FARP1: variants seen among roughly 807,000 people sequenced by gnomAD.
FARP1 encodes the protein FERM, ARHGEF and pleckstrin domain-containing protein 1.
Under a neutral mutation model 128.8 loss-of-function variants are expected in FARP1, and 52 were observed. The ratio of observed to expected loss-of-function variants is 0.40; its 90% confidence interval spans 0.32 to 0.51. The LOEUF is 0.51. Ranked by LOEUF, FARP1 falls within the 20% of genes least tolerant of loss-of-function variation. FARP1 has a pLI of 0.45. For synonymous variants in FARP1, 580 were observed against 551.8 expected (o/e 1.05, Z -0.72); for missense variants, 1,333 against 1,367.9 (o/e 0.97, Z 0.40).
At chr13:98,266,842 A>G (rs1187531274) in intron 2 of FARP1, among the ~76,000 whole-genome samples, 3 of 151,862 alleles carry the variant, frequency 2.0e-5, no homozygotes, top group Non-Finnish European at 4.4e-5. Context: ...GTGAGACCCC[A>G]TCTCTACTAA....
intron 5 of FARP1, among the ~76,000 whole-genome samples, chr13:98,370,580 G>A (rs1265502603): frequency 7.0e-6 from 1 of 142,874 alleles, no homozygotes; most frequent in Non-Finnish European, 1.5e-5. Context: ...GTGACTGGGG[G>A]GGAGATGGTG....
At chr13:98,149,249 T>A (rs1875796830) in intron 1 of FARP1, among the ~76,000 whole-genome samples, 1 of 152,186 alleles carries the variant, frequency 6.6e-6, no homozygotes, top group African/African-American at 2.4e-5. Flanking sequence ...CTTCTGTTCC[T>A]CTTCCCTGCT....
intron 2 of FARP1, 143 bp from the exon 3 acceptor site, chr13:98,343,619 T>G: frequency 1.6e-6 from 1 of 644,354 alleles, no homozygotes; most frequent in Non-Finnish European, 2.8e-6. Context: ...GGGGCTGGCG[T>G]TCAGGGTGTC....
At chr13:98,266,674 G>A (rs1884131110) in intron 2 of FARP1, among the ~76,000 whole-genome samples, 2 of 152,254 alleles carry the variant, frequency 1.3e-5, no homozygotes, top group African/African-American at 4.8e-5. Context: ...ACAACCCCAA[G>A]ATGTTCTTTA....
intron 16 of FARP1, among the ~76,000 whole-genome samples, chr13:98,415,922 G>A (rs568284753): frequency 1.0e-3 from 153 of 152,368 alleles, no homozygotes; most frequent in African/African-American, 3.5e-3. Flanking sequence ...TCGTTGAACC[G>A]CATTTCCTCC....
At chr13:98,343,261 T>C (rs1189532967) in intron 2 of FARP1, among the ~76,000 whole-genome samples, 1 of 152,150 alleles carries the variant, frequency 6.6e-6, no homozygotes, top group Admixed American at 6.5e-5. Flanking sequence ...GCAGTGAAAC[T>C]ATTCTGTATG....
At chr13:98,317,574 A>C (rs117605205) in intron 2 of FARP1, among the ~76,000 whole-genome samples, 4,950 of 152,318 alleles carry the variant, frequency 0.032, 113 homozygotes, top group South Asian at 0.054. Context: ...ATTGGTTGCT[A>C]TCCACTTGTT....
At chr13:98,415,632 C>A (rs1321816262) in intron 16 of FARP1, among the ~76,000 whole-genome samples, 2 of 152,230 alleles carry the variant, frequency 1.3e-5, no homozygotes, top group African/African-American at 4.8e-5. Context: ...TGAGGACACA[C>A]ATGTACCATC....
rs866332473 is a variant in FARP1, at chr13:98,383,257, A to G, written c.497-1473A>G. ...CAAGGCAACATATAACGATGGCAGT[A>G]TGACCAGGCGTGCCCCCATTTCTGT... On this transcript the variant is annotated intron_variant, in intron 6 of 26. Transcript: ENST00000319562. 7.9e-5 allele frequency among the ~76,000 whole-genome samples: 12 copies of G among 152,262 alleles called. No homozygotes were observed. The South Asian group carries it at 2.3e-3, about 29-fold the overall frequency.
chr13:98,231,429 CTTATT>C (rs925629183), intron 2 of FARP1, among the ~76,000 whole-genome samples: 43 of 151,822 alleles, frequency 2.8e-4, no homozygotes, highest in East Asian at 1.4e-3. Flanking sequence ...TTTTCTATTT[CTTATT>C]TTATTTTATT....
At chr13:98,342,334 A>C (rs539336638) in intron 2 of FARP1, among the ~76,000 whole-genome samples, 20 of 152,242 alleles carry the variant, frequency 1.3e-4, no homozygotes, top group African/African-American at 2.2e-4. Context: ...AACTAGAAGC[A>C]ACCAAAATGT....
At chr13:98,307,367 A>G (rs1370265561) in intron 2 of FARP1, among the ~76,000 whole-genome samples, 1 of 152,144 alleles carries the variant, frequency 6.6e-6, no homozygotes, top group Non-Finnish European at 1.5e-5. Flanking sequence ...ACTAATACCT[A>G]ATGAAAAGTG....
intron 2 of FARP1, among the ~76,000 whole-genome samples, chr13:98,225,893 G>T (rs1229754666): frequency 6.6e-6 from 1 of 152,204 alleles, no homozygotes; most frequent in Admixed American, 6.5e-5. Flanking sequence ...GAAAACAAGG[G>T]CGTTTTTGTA....
intron 2 of FARP1, among the ~76,000 whole-genome samples, chr13:98,262,357 C>T (rs1233247832): frequency 1.3e-5 from 2 of 151,976 alleles, no homozygotes; most frequent in East Asian, 1.9e-4. Flanking sequence ...TTTCTTCTTC[C>T]TCCAGGCTCC....
intron 1 of FARP1, among the ~76,000 whole-genome samples, chr13:98,183,326 A>G (rs1290192630): frequency 6.6e-6 from 1 of 152,068 alleles, no homozygotes; most frequent in Non-Finnish European, 1.5e-5. Context: ...GTCCATTTAA[A>G]ATCTCTTAGA....
intron 3 of FARP1, among the ~76,000 whole-genome samples, chr13:98,350,996 C>T (rs1488644651): frequency 1.5e-5 from 2 of 132,978 alleles, no homozygotes; most frequent in African/African-American, 3.6e-5. Flanking sequence ...TGCCCAGCCT[C>T]GCCTCCCCTG....
chr13:98,230,334 C>T (rs540258126), intron 2 of FARP1, among the ~76,000 whole-genome samples: 19 of 152,212 alleles, frequency 1.2e-4, no homozygotes, highest in African/African-American at 4.6e-4. Flanking sequence ...TAGTATTCAC[C>T]CCAGTGCAAT....
chr13:98,424,889 T>G (rs1296436577), intron 17 of FARP1, among the ~76,000 whole-genome samples: 1 of 120,168 alleles, frequency 8.3e-6, no homozygotes, highest in Admixed American at 1.1e-4. Context: ...TTGGTGATTT[T>G]GGGGTTTTTT....
chr13:98,402,899 G>T (rs1890830529), intron 13 of FARP1: 1 of 152,160 alleles, frequency 6.6e-6, no homozygotes, highest in Admixed American at 6.5e-5. Context: ...AAAGGCTGGG[G>T]ACTTCATTCT....
Sources: allele counts gnomAD v4.1 joint callset (sites outside exome capture counted in the v4.1 genomes callset), GRCh38; gene constraint gnomAD v4.1.1; transcripts MANE v1.5; gene names NCBI Gene and HGNC (gene_info 2026-07-23, HGNC 2026-07-21).